Variants in ZNF804A observed in about 807,000 individuals in gnomAD.
The protein encoded by ZNF804A is zinc finger protein 804A.
In ZNF804A, 2 loss-of-function variants were observed where a neutral mutation model predicts 16.5. The ratio of observed to expected loss-of-function variants is 0.12; its 90% CI spans 0.05 to 0.38. The LOEUF is 0.38. ZNF804A is among the 10% of genes least tolerant of loss of function. The pLI is 0.99. For missense variants in ZNF804A, 1,473 were observed against 1,390.7 expected (o/e 1.06, Z -0.94); for synonymous variants, 534 against 489.6 (o/e 1.09, Z -1.20).
intron 1 of ZNF804A, among the ~76,000 whole-genome samples, chr2:184,716,986 C>T (rs11896638): frequency 0.069 from 10,481 of 152,086 alleles, 1,228 homozygotes; most frequent in African/African-American, 0.24. Context: ...CTGGAAGAGC[C>T]TAGGTGGAAA....
intron 1 of ZNF804A, among the ~76,000 whole-genome samples, chr2:184,734,217 T>G (rs1693573245): frequency 1.3e-5 from 2 of 152,116 alleles, no homozygotes; most frequent in Admixed American, 1.3e-4. Flanking sequence ...ACAGGCATAT[T>G]CCAGCATTTC....
intron 1 of ZNF804A, among the ~76,000 whole-genome samples, chr2:184,741,784 A>G (rs150442326): frequency 6.6e-6 from 1 of 152,146 alleles, no homozygotes; most frequent in Non-Finnish European, 1.5e-5. Context: ...ATAGTTAATA[A>G]TACACAGTTA....
chr2:184,667,491 C>T (rs914751008), intron 1 of ZNF804A, among the ~76,000 whole-genome samples: 2 of 151,644 alleles, frequency 1.3e-5, no homozygotes, highest in African/African-American at 4.8e-5. Context: ...AATTGTGGGC[C>T]GAGGATCTAC....
rs747761850 is a variant in ZNF804A at position 184,938,401 on chromosome 2, A to G, written c.3005A>G (p.Gln1002Arg). ...LRYNSGILNTQPPLPFKEAHV... is the reference protein window; with the variant it reads ...LRYNSGILNTRPPLPFKEAHV... ...TATAATTCAGGAATCCTTAACACAC[A>G]ACCACCATTACCATTCAAAGAAGCA... The change falls in exon 4 of 4, where the codon CAA becomes CGA. Residue 1002 changes from glutamine to arginine, a missense_variant. Physicochemically the swap from Gln to Arg is conservative, Grantham distance 43 (BLOSUM62 1). Coordinates refer to ENST00000302277, the MANE Select transcript of ZNF804A (RefSeq NM_194250.2). 3.7e-6 allele frequency: 6 copies of G among 1,614,058 alleles called. No individual in the cohort carries two copies. The South Asian group carries it at 6.6e-5, about 18-fold the overall frequency.
intron 1 of ZNF804A, among the ~76,000 whole-genome samples, chr2:184,720,007 G>T (rs2105741734): frequency 6.6e-6 from 1 of 152,324 alleles, no homozygotes; most frequent in East Asian, 1.9e-4. Flanking sequence ...GTTTAGGAAA[G>T]AAAGAGGTTT....
intron 1 of ZNF804A, among the ~76,000 whole-genome samples, chr2:184,632,880 C>G (rs537247365): frequency 4.6e-5 from 7 of 152,184 alleles, no homozygotes; most frequent in Non-Finnish European, 5.9e-5. Context: ...CTAACATTGA[C>G]TACCTATGAA....
At chr2:184,775,913 A>G (rs1366335563) in intron 1 of ZNF804A, among the ~76,000 whole-genome samples, 1 of 151,646 alleles carries the variant, frequency 6.6e-6, no homozygotes, top group Non-Finnish European at 1.5e-5. Flanking sequence ...TCCAAAAGTT[A>G]TAAAACTCTA....
At chr2:184,880,969 A>T (rs1317933160) in intron 2 of ZNF804A, among the ~76,000 whole-genome samples, 1 of 152,164 alleles carries the variant, frequency 6.6e-6, no homozygotes, top group African/African-American at 2.4e-5. Context: ...AATGAAGATC[A>T]TCGACATTCA....
chr2:184,762,472 AAG>A (rs1278415757), intron 1 of ZNF804A, among the ~76,000 whole-genome samples: 5 of 152,004 alleles, frequency 3.3e-5, no homozygotes, highest in Admixed American at 6.6e-5. Flanking sequence ...CTAAAATCTA[AAG>A]TTTATAAAAT....
At chr2:184,652,378 C>G (rs1202944073) in intron 1 of ZNF804A, among the ~76,000 whole-genome samples, 1 of 152,028 alleles carries the variant, frequency 6.6e-6, no homozygotes, top group African/African-American at 2.4e-5. Context: ...TACTCCAAAC[C>G]TCAGCAATGT....
intron 1 of ZNF804A, among the ~76,000 whole-genome samples, chr2:184,803,776 G>A (rs1378933828): frequency 2.0e-5 from 3 of 151,900 alleles, no homozygotes; most frequent in East Asian, 1.9e-4. Context: ...GGTGTTGTTT[G>A]GTTTGGAGCT....
intron 1 of ZNF804A, among the ~76,000 whole-genome samples, chr2:184,641,590 T>C (rs1050640714): frequency 6.6e-6 from 1 of 152,252 alleles, no homozygotes; most frequent in Non-Finnish European, 1.5e-5. Flanking sequence ...AAAAAGAAAT[T>C]GCACTGTTTC....
chr2:184,901,960 C>T (rs1269243707), intron 2 of ZNF804A, among the ~76,000 whole-genome samples: 1 of 151,952 alleles, frequency 6.6e-6, no homozygotes, highest in Non-Finnish European at 1.5e-5. Flanking sequence ...TTTAAAATCT[C>T]CAAATTATAC....
chr2:184,807,383 T>A (rs1363693165), intron 1 of ZNF804A, among the ~76,000 whole-genome samples: 1 of 151,520 alleles, frequency 6.6e-6, no homozygotes, highest in Admixed American at 6.6e-5. Context: ...TGAAAGGGGG[T>A]GAAGGGATAG....
At chr2:184,795,861 G>C (rs553939824) in intron 1 of ZNF804A, among the ~76,000 whole-genome samples, 26 of 152,262 alleles carry the variant, frequency 1.7e-4, no homozygotes, top group African/African-American at 5.8e-4. Flanking sequence ...AGCCCTCCTA[G>C]CTTAAATCAG....
intron 1 of ZNF804A, among the ~76,000 whole-genome samples, chr2:184,727,764 C>G (rs1046841959): frequency 6.6e-6 from 1 of 151,606 alleles, no homozygotes; most frequent in African/African-American, 2.4e-5. Flanking sequence ...TTTAATTCTA[C>G]TAAACACTTA....
At chr2:184,646,965 C>A (rs1010393432) in intron 1 of ZNF804A, among the ~76,000 whole-genome samples, 12 of 152,174 alleles carry the variant, frequency 7.9e-5, no homozygotes, top group African/African-American at 2.2e-4. Context: ...CAGCCCATTG[C>A]CTGAGGTAAC....
intron 1 of ZNF804A, among the ~76,000 whole-genome samples, chr2:184,624,068 A>C (rs1691459043): frequency 6.6e-6 from 1 of 152,122 alleles, no homozygotes; most frequent in Non-Finnish European, 1.5e-5. Context: ...AATTCCTCAT[A>C]ATTGATTGAC....
At chr2:184,893,782 G>A (rs1685021959) in intron 2 of ZNF804A, among the ~76,000 whole-genome samples, 2 of 152,058 alleles carry the variant, frequency 1.3e-5, no homozygotes, top group Non-Finnish European at 2.9e-5. Context: ...ATTGATGAGA[G>A]TGTGCATCAA....
Sources: gnomAD v4.1 joint callset for allele counts (sites outside exome capture counted in the v4.1 genomes callset) on GRCh38, gnomAD v4.1.1 for gene constraint, MANE v1.5 for transcripts, NCBI Gene and HGNC (gene_info 2026-07-23, HGNC 2026-07-21) for gene names.